Variants in CUL3 observed in about 807,000 individuals in gnomAD.
CUL3 encodes the protein cullin 3.
Under a neutral mutation model 89.1 loss-of-function variants are expected in CUL3, and 19 were observed. The observed-to-expected ratio is 0.21, with a 90% CI of 0.15 to 0.31. CUL3 has a LOEUF of 0.31. Ranked by LOEUF, CUL3 falls within the 10% of genes least tolerant of loss-of-function variation. The pLI is 1.00. For missense variants in CUL3, 469 were observed against 942.3 expected, an observed-to-expected ratio of 0.50 and a Z score of 6.58; for synonymous variants, 351 against 308.4, an observed-to-expected ratio of 1.14 and a Z score of -1.45.
intron 1 of CUL3, among the ~76,000 whole-genome samples, chr2:224,582,914 C>T (rs1464053462): frequency 6.6e-6 from 1 of 152,166 alleles, no homozygotes; most frequent in East Asian, 1.9e-4. Flanking sequence ...CTGAAGAGGT[C>T]AAAGAGTTTA....
At chr2:224,493,307 T>C (rs955274576) in intron 13 of CUL3, among the ~76,000 whole-genome samples, 1 of 152,216 alleles carries the variant, frequency 6.6e-6, no homozygotes, top group African/African-American at 2.4e-5. Context: ...CTTTTAACTA[T>C]CTCCACTAAT....
intron 2 of CUL3, among the ~76,000 whole-genome samples, chr2:224,554,315 T>G (rs1308401299): frequency 6.6e-6 from 1 of 152,216 alleles, no homozygotes; most frequent in African/African-American, 2.4e-5. Context: ...TCATAATAAT[T>G]TTAGAAATAA....
intron 3 of CUL3, among the ~76,000 whole-genome samples, chr2:224,526,663 T>C (rs1693492513): frequency 6.7e-6 from 1 of 149,202 alleles, no homozygotes; most frequent in Admixed American, 6.7e-5. Context: ...GTCTACTTCA[T>C]GTTAGGCAGT....
chr2:224,561,355 C>T (rs1338520036), intron 1 of CUL3, among the ~76,000 whole-genome samples: 1 of 152,220 alleles, frequency 6.6e-6, no homozygotes, highest in Non-Finnish European at 1.5e-5. Flanking sequence ...TTCACACAAA[C>T]TTCTGATCTG....
intron 1 of CUL3, among the ~76,000 whole-genome samples, chr2:224,576,526 AT>A (rs1230771326): frequency 6.6e-6 from 1 of 152,172 alleles, no homozygotes; most frequent in African/African-American, 2.4e-5. Flanking sequence ...GACTCACTGA[AT>A]TTATCAATTA....
intron 8 of CUL3, among the ~76,000 whole-genome samples, chr2:224,504,898 G>A (rs1349785612): frequency 1.3e-5 from 2 of 152,020 alleles, no homozygotes; most frequent in Non-Finnish European, 2.9e-5. Context: ...AGGTTCCAGA[G>A]ATATCATATA....
intron 1 of CUL3, among the ~76,000 whole-genome samples, chr2:224,561,853 G>A (rs1048442667): frequency 7.2e-5 from 11 of 152,156 alleles, no homozygotes; most frequent in Non-Finnish European, 1.3e-4. Flanking sequence ...CATATGCTGA[G>A]GTTCTAATAA....
Position 224,580,896 on chromosome 2 carries a change from T to A in CUL3, c.66+4048A>T, listed in dbSNP as rs1574711721. Among the ~76,000 whole-genome samples the A allele has an allele frequency of 2.1e-5, 3 of 144,824 alleles. No individual in the cohort carries two copies. The South Asian group carries it at 6.6e-4, about 32-fold the overall frequency. On this transcript the variant is annotated intron_variant, in intron 1 of 15. Coordinates refer to ENST00000264414, the MANE Select transcript of CUL3 (RefSeq NM_003590.5). The stretch of plus-strand genomic sequence containing the variant: ...AGTGCTTGAGATTTTTTTTTTTTTT[T>A]AAGACAAGAGTCTTGCTCTAAGGCC...
chr2:224,523,246 A>G (rs1693335426), intron 3 of CUL3, among the ~76,000 whole-genome samples: 1 of 152,200 alleles, frequency 6.6e-6, no homozygotes, highest in Admixed American at 6.5e-5. Flanking sequence ...TCATCTGTAA[A>G]ATAACATCTA....
Position 224,566,581 on chromosome 2 carries a change from T to A in CUL3, c.67-8725A>T, listed in dbSNP as rs1218297927. ...GTCTCCAATGATTTTCTTGATGGTGTCTGGGAACTTGTCTGCTGCCTCTTC... is the reference window on the plus strand; with the variant it reads ...GTCTCCAATGATTTTCTTGATGGTGACTGGGAACTTGTCTGCTGCCTCTTC... On this transcript the variant is annotated intron_variant, in intron 1 of 15. Transcript: ENST00000264414. Among the ~76,000 whole-genome samples the A allele has an allele frequency of 2.6e-5, 4 of 152,212 alleles. No homozygotes were observed. The East Asian group carries it at 7.7e-4, about 29-fold the overall frequency.
intron 13 of CUL3, among the ~76,000 whole-genome samples, chr2:224,492,743 C>T (rs1166636771): frequency 1.3e-5 from 2 of 152,142 alleles, no homozygotes; most frequent in African/African-American, 2.4e-5. Flanking sequence ...TATGACAGCA[C>T]GTAATAACCC....
intron 2 of CUL3, among the ~76,000 whole-genome samples, chr2:224,538,692 C>A (rs925737145): frequency 6.6e-6 from 1 of 152,116 alleles, no homozygotes; most frequent in African/African-American, 2.4e-5. Flanking sequence ...CATGGAAGAA[C>A]AAGTAGCAAC....
At chr2:224,549,772 A>T (rs1376442548) in intron 2 of CUL3, among the ~76,000 whole-genome samples, 2 of 152,132 alleles carry the variant, frequency 1.3e-5, no homozygotes, top group Non-Finnish European at 2.9e-5. Flanking sequence ...TCCACCCTTA[A>T]CATGCCCAAA....
intron 1 of CUL3, among the ~76,000 whole-genome samples, chr2:224,584,016 G>A (rs558118168): frequency 6.6e-6 from 1 of 152,316 alleles, no homozygotes; most frequent in Admixed American, 6.5e-5. Flanking sequence ...AGGCAAGTAT[G>A]CCCAGTTCGT....
Position 224,472,101 on chromosome 2 carries a change from C to G in CUL3, c.*2144G>C. ...GTGACCAGTTTTTTCAGTGCAGCATCACATCGCCAGCAATCTCCAACCATT... is the reference window on the plus strand; with the variant it reads ...GTGACCAGTTTTTTCAGTGCAGCATGACATCGCCAGCAATCTCCAACCATT... On this transcript the variant is annotated 3_prime_UTR_variant, in exon 16 of 16. Transcript: ENST00000264414. The G allele has an allele frequency of 4.3e-6, 1 of 229,946 alleles. No individual in the cohort carries two copies. The highest frequency in any genetic ancestry group is 6.2e-5 in the East Asian group (1 of 16,052). 14.2% of individuals were successfully genotyped at this position (229,946 alleles called of 1,614,324 possible).
intron 1 of CUL3, among the ~76,000 whole-genome samples, chr2:224,578,556 A>C (rs1695363939): frequency 6.6e-6 from 1 of 152,154 alleles, no homozygotes; most frequent in African/African-American, 2.4e-5. Context: ...AAAAGCTACT[A>C]AAATAAATTC....
intron 3 of CUL3, among the ~76,000 whole-genome samples, chr2:224,533,632 G>A (rs765409): frequency 3.9e-5 from 6 of 152,086 alleles, no homozygotes; most frequent in Non-Finnish European, 7.4e-5. Context: ...GTTAGGATGC[G>A]ATTTAAAGAC....
At chr2:224,495,655 AATAAGAC>A in intron 13 of CUL3, 170 bp downstream of exon 13, 1 of 455,888 alleles carries the variant, frequency 2.2e-6, no homozygotes, top group Non-Finnish European at 3.8e-6. Context: ...TTAATTTAAA[AATAAGAC>A]ATAACTCAAT....
At chr2:224,512,765 TTGG>T (rs1277276630) in intron 5 of CUL3, among the ~76,000 whole-genome samples, 3 of 152,240 alleles carry the variant, frequency 2.0e-5, no homozygotes, top group African/African-American at 7.2e-5. Context: ...TGAGACTTCG[TTGG>T]TGATGTACTG....
Sources: allele counts gnomAD v4.1 joint callset (sites outside exome capture counted in the v4.1 genomes callset), GRCh38; gene constraint gnomAD v4.1.1; transcripts MANE v1.5; gene names NCBI Gene and HGNC (gene_info 2026-07-23, HGNC 2026-07-21).